Variants in NCKAP5 observed in about 807,000 individuals in gnomAD.
NCKAP5 encodes NCK associated protein 5.
A neutral mutation model predicts 167.0 loss-of-function variants in NCKAP5; 92 were observed. The observed-to-expected ratio is 0.55, with a 90% CI of 0.47 to 0.66. The LOEUF (loss-of-function observed/expected upper bound fraction) is 0.66, where lower values mean the gene tolerates loss of function less well. Ranked by LOEUF, NCKAP5 falls within the 30% of genes least tolerant of loss-of-function variation. The pLI is 0.00. For missense variants in NCKAP5, 2,378 were observed against 2,315.0 expected (o/e 1.03, Z -0.56); for synonymous variants, 891 against 877.4 (o/e 1.02, Z -0.27).
At chr2:133,483,775 C>T (rs895392271) in intron 3 of NCKAP5, among the ~76,000 whole-genome samples, 4 of 152,228 alleles carry the variant, frequency 2.6e-5, no homozygotes, top group Non-Finnish European at 5.9e-5. Flanking sequence ...TCATTAGAAT[C>T]GCTCAGGGGA....
intron 8 of NCKAP5, among the ~76,000 whole-genome samples, chr2:132,918,968 G>A (rs945625081): frequency 6.6e-6 from 1 of 152,176 alleles, no homozygotes; most frequent in Non-Finnish European, 1.5e-5. Flanking sequence ...TTCATCTGGA[G>A]TTGGCACCAT....
chr2:133,213,656 A>T, intron 5 of NCKAP5, 60 bp downstream of exon 5: 3 of 1,550,458 alleles, frequency 1.9e-6, no homozygotes, highest in Non-Finnish European at 2.7e-6. Context: ...GAGGCAAAGT[A>T]GCTTTCAAGC....
intron 19 of NCKAP5, among the ~76,000 whole-genome samples, chr2:132,711,953 A>G (rs1359451091): frequency 1.3e-5 from 2 of 152,198 alleles, no homozygotes; most frequent in East Asian, 3.9e-4. Context: ...TAAAGAGGCA[A>G]GTATTTTGGT....
chr2:133,667,046 A>G, the NCKAP5 span, among the ~76,000 whole-genome samples: 2 of 152,064 alleles, frequency 1.3e-5, no homozygotes, highest in Non-Finnish European at 2.9e-5. Flanking sequence ...TAGCTTCTTC[A>G]TAGTTTCTTG....
the NCKAP5 span, among the ~76,000 whole-genome samples, chr2:133,612,138 T>C: frequency 6.6e-6 from 1 of 152,024 alleles, no homozygotes; most frequent in African/African-American, 2.4e-5. Flanking sequence ...CTTTAATAGC[T>C]CCAATGATGA....
chr2:133,191,900 C>G (rs1046681590), intron 5 of NCKAP5, among the ~76,000 whole-genome samples: 4 of 151,834 alleles, frequency 2.6e-5, no homozygotes, highest in African/African-American at 9.7e-5. Flanking sequence ...CACATGTACC[C>G]TAGAACTTAA....
At chr2:133,601,295 T>G in the NCKAP5 span, among the ~76,000 whole-genome samples, 2 of 152,218 alleles carry the variant, frequency 1.3e-5, no homozygotes, top group African/African-American at 4.8e-5. Context: ...TGAAACGTGT[T>G]TATTCAACTA....
chr2:133,038,518 CAAAAGAAAATA>C (rs2149446959), intron 6 of NCKAP5, among the ~76,000 whole-genome samples: 1 of 151,892 alleles, frequency 6.6e-6, no homozygotes, highest in African/African-American at 2.4e-5. Flanking sequence ...AACATGGGTA[CAAAAGAAAATA>C]GAAAGAATAA....
the NCKAP5 span, among the ~76,000 whole-genome samples, chr2:133,575,672 T>A: frequency 0.037 from 5,617 of 152,298 alleles, 359 homozygotes; most frequent in African/African-American, 0.13. Flanking sequence ...TTCGGTTCCA[T>A]AAACAGCTCA....
chr2:133,094,635 A>G (rs1047885587), intron 6 of NCKAP5, among the ~76,000 whole-genome samples: 5 of 152,212 alleles, frequency 3.3e-5, no homozygotes, highest in Non-Finnish European at 7.3e-5. Context: ...AACTGTCAAG[A>G]TGATGAGATA....
intron 3 of NCKAP5, among the ~76,000 whole-genome samples, chr2:133,512,014 T>C (rs557785667): frequency 2.6e-5 from 4 of 152,226 alleles, no homozygotes; most frequent in African/African-American, 9.6e-5. Flanking sequence ...AGTATCCCTA[T>C]GGTAAGAGGA....
intron 3 of NCKAP5, among the ~76,000 whole-genome samples, chr2:133,400,806 C>T (rs992964927): frequency 1.1e-4 from 16 of 152,070 alleles, no homozygotes; most frequent in African/African-American, 3.9e-4. Flanking sequence ...TATAAAAATG[C>T]TGATTTTTTT....
intron 3 of NCKAP5, among the ~76,000 whole-genome samples, chr2:133,491,685 G>A (rs192215476): frequency 5.3e-5 from 8 of 152,228 alleles, no homozygotes; most frequent in East Asian, 3.9e-4. Context: ...TTGACAAGAC[G>A]TGAAGGAATA....
At chr2:133,496,454 CTT>C (rs1206892167) in intron 3 of NCKAP5, among the ~76,000 whole-genome samples, 1 of 152,064 alleles carries the variant, frequency 6.6e-6, no homozygotes, top group African/African-American at 2.4e-5. Context: ...TTGCATGTAA[CTT>C]ATATATTATC....
chr2:133,457,898 G>A (rs950872724), intron 3 of NCKAP5, among the ~76,000 whole-genome samples: 4 of 152,120 alleles, frequency 2.6e-5, no homozygotes, highest in Admixed American at 6.6e-5. Context: ...AGTTAAACAC[G>A]ATTTTCTCCT....
intron 4 of NCKAP5, among the ~76,000 whole-genome samples, chr2:133,261,785 C>T (rs915680603): frequency 6.6e-6 from 1 of 152,196 alleles, no homozygotes; most frequent in Non-Finnish European, 1.5e-5. Flanking sequence ...GGGCCACACT[C>T]CCTCTAAAAG....
At chr2:133,323,231 A>C (rs1682188674) in intron 3 of NCKAP5, among the ~76,000 whole-genome samples, 1 of 152,232 alleles carries the variant, frequency 6.6e-6, no homozygotes, top group Non-Finnish European at 1.5e-5. Flanking sequence ...TTTCGTGATC[A>C]TGTAAAATCA....
chr2:133,156,821 G>A (rs2149914769), intron 5 of NCKAP5, among the ~76,000 whole-genome samples: 1 of 152,102 alleles, frequency 6.6e-6, no homozygotes, highest in African/African-American at 2.4e-5. Flanking sequence ...CTATTTAACA[G>A]CTTCTTATTA....
intron 3 of NCKAP5, among the ~76,000 whole-genome samples, chr2:133,483,959 C>T (rs1680686980): frequency 6.6e-6 from 1 of 152,094 alleles, no homozygotes; most frequent in Non-Finnish European, 1.5e-5. Context: ...CATTTTAGTG[C>T]CTGTGGTTAT....
Sources: gnomAD v4.1 joint callset for allele counts (sites outside exome capture counted in the v4.1 genomes callset) on GRCh38, gnomAD v4.1.1 for gene constraint, MANE v1.5 for transcripts, NCBI Gene and HGNC (gene_info 2026-07-23, HGNC 2026-07-21) for gene names.